INVS: variants seen among roughly 807,000 people sequenced by gnomAD.
The protein encoded by INVS is inversin, also known as inversion of embryo turning homolog.
INVS carries 86 observed loss-of-function variants against 108.8 expected under a neutral mutation model. That is an observed-to-expected ratio of 0.79 (90% CI 0.66 to 0.95). The LOEUF is 0.95. INVS is among the 40% of genes least tolerant of loss of function. The pLI, the probability that INVS is intolerant of heterozygous loss-of-function variation, is 0.00. For synonymous variants in INVS, 455 were observed against 473.5 expected, an observed-to-expected ratio of 0.96 and a Z score of 0.51; for missense variants, 1,169 against 1,297.4, an observed-to-expected ratio of 0.90 and a Z score of 1.52.
intron 3 of INVS, among the ~76,000 whole-genome samples, chr9:100,132,704 T>G (rs1340226648): frequency 6.6e-6 from 1 of 152,236 alleles, no homozygotes; most frequent in Non-Finnish European, 1.5e-5. Flanking sequence ...GAAACTGAAC[T>G]CTACTCCTTT....
intron 2 of INVS, among the ~76,000 whole-genome samples, chr9:100,111,810 T>C (rs766987057): frequency 6.6e-6 from 1 of 152,136 alleles, no homozygotes; most frequent in Admixed American, 6.5e-5. Context: ...GTAGGGTGGA[T>C]AGATAAAGGC....
intron 3 of INVS, among the ~76,000 whole-genome samples, chr9:100,182,788 C>G (rs1244013716): frequency 6.6e-6 from 1 of 151,930 alleles, no homozygotes; most frequent in East Asian, 1.9e-4. Flanking sequence ...GATATATGCC[C>G]AAAGGATTAT....
At chr9:100,265,805 G>A (rs370829595) in intron 11 of INVS, among the ~76,000 whole-genome samples, 5 of 152,296 alleles carry the variant, frequency 3.3e-5, no homozygotes, top group Middle Eastern at 3.4e-3. Context: ...GGCCAGGTGC[G>A]GTGGCTCACG....
chr9:100,154,516 A>G (rs1828910820), intron 3 of INVS, among the ~76,000 whole-genome samples: 1 of 151,716 alleles, frequency 6.6e-6, no homozygotes, highest in Admixed American at 6.6e-5. Flanking sequence ...TAAAAAGAGT[A>G]TATTCACACA....
intron 11 of INVS, among the ~76,000 whole-genome samples, chr9:100,268,231 A>G (rs1428671892): frequency 6.6e-6 from 1 of 152,060 alleles, no homozygotes; most frequent in African/African-American, 2.4e-5. Flanking sequence ...ATACAGGATT[A>G]AAAAAAAGAT....
chr9:100,301,747 G>A lies in INVS; in HGVS notation c.*1073G>A, dbSNP rs1008338496. Among the ~76,000 whole-genome samples the A allele has an allele frequency of 2.0e-5, 3 of 148,220 alleles. No homozygotes were observed. The highest frequency in any genetic ancestry group is 1.3e-4 in the Admixed American group (2 of 14,898). On this transcript the variant is annotated 3_prime_UTR_variant, in exon 17 of 17. Transcript: ENST00000262457. ...AGATCAGTGCCACTTCTGTGCTAAC[G>A]GTAAGAGATAGACAGATAGGCAATG...
chr9:100,191,779 T>C (rs557862702), intron 3 of INVS, among the ~76,000 whole-genome samples: 1 of 152,330 alleles, frequency 6.6e-6, no homozygotes, highest in South Asian at 2.1e-4. Flanking sequence ...TCAGAATTAT[T>C]TTTCTGGTTC....
intron 3 of INVS, among the ~76,000 whole-genome samples, chr9:100,211,660 T>G (rs1830835766): frequency 6.6e-6 from 1 of 152,058 alleles, no homozygotes; most frequent in Admixed American, 6.6e-5. Flanking sequence ...ATTAGAAGAG[T>G]TCAGCCTTAG....
chr9:100,268,167 C>G (rs984388356), intron 11 of INVS, among the ~76,000 whole-genome samples: 1 of 151,836 alleles, frequency 6.6e-6, no homozygotes, highest in Non-Finnish European at 1.5e-5. Context: ...CAGAGTAGGG[C>G]GTTCCCGAAA....
At chr9:100,118,614 T>G (rs1249979626) in intron 2 of INVS, among the ~76,000 whole-genome samples, 1 of 152,146 alleles carries the variant, frequency 6.6e-6, no homozygotes, top group Non-Finnish European at 1.5e-5. Context: ...TTTATTTTTG[T>G]TTTTGTATAT....
chr9:100,242,511 A>T, intron 6 of INVS, 59 bp from the exon 7 acceptor site: 1 of 941,982 alleles, frequency 1.1e-6, no homozygotes, highest in Non-Finnish European at 1.7e-6. Context: ...ATTTAAATAG[A>T]TTATAAATTA....
intron 13 of INVS, among the ~76,000 whole-genome samples, chr9:100,289,189 G>T (rs960149502): frequency 6.6e-6 from 1 of 152,102 alleles, no homozygotes; most frequent in African/African-American, 2.4e-5. Context: ...GCTCCATTAG[G>T]TATATTTTCT....
intron 10 of INVS, among the ~76,000 whole-genome samples, chr9:100,259,902 C>T (rs757867284): frequency 6.6e-6 from 1 of 151,482 alleles, no homozygotes; most frequent in Non-Finnish European, 1.5e-5. Flanking sequence ...GATGGAGTCT[C>T]GCTTCGTCAC....
chr9:100,298,405 T>A, intron 16 of INVS: 1 of 826,552 alleles, frequency 1.2e-6, no homozygotes. Context: ...AAGAGAACAC[T>A]GAGAGCATGT....
chr9:100,296,592 T>C (rs1041990824), intron 14 of INVS, among the ~76,000 whole-genome samples: 3 of 152,188 alleles, frequency 2.0e-5, no homozygotes. Flanking sequence ...CATCAGTCAG[T>C]CCTGCATCTG....
In INVS at chr9:100,129,239, T is replaced by C. The variant is rs139673355; in HGVS notation, c.273+2690T>C. 4.7e-3 allele frequency among the ~76,000 whole-genome samples: 717 copies of C among 152,064 alleles called. 6 individuals are homozygous for C. Among genetic ancestry groups the C allele is most frequent in the African/African-American group, 0.016 (678 of 41,484 alleles). ...GCTCACACCTGTAATCTTAGGACTT[T>C]GGGAGGCCAAGGTGGGTGGATCACT... On this transcript the variant is annotated intron_variant, in intron 3 of 16. Coordinates refer to ENST00000262457, the MANE Select transcript of INVS (RefSeq NM_014425.5).
chr9:100,217,821 GATTGCCTCTCCCAACACT>G (rs955923838), intron 3 of INVS, among the ~76,000 whole-genome samples: 8 of 152,172 alleles, frequency 5.3e-5, no homozygotes, highest in African/African-American at 1.9e-4. Flanking sequence ...GCCCAGGGCA[GATTGCCTCTCCCAACACT>G]ATTGTGGTAT....
At chr9:100,289,147 T>G (rs980227354) in intron 13 of INVS, among the ~76,000 whole-genome samples, 3 of 152,222 alleles carry the variant, frequency 2.0e-5, no homozygotes, top group Admixed American at 2.0e-4. Flanking sequence ...TGTTCTACAT[T>G]CCACCTGGAA....
intron 3 of INVS, among the ~76,000 whole-genome samples, chr9:100,204,687 G>C (rs1326994453): frequency 6.6e-6 from 1 of 151,840 alleles, no homozygotes; most frequent in Non-Finnish European, 1.5e-5. Flanking sequence ...CTCTGAACAG[G>C]TTTCTTTTGT....
Sources: allele counts gnomAD v4.1 joint callset (sites outside exome capture counted in the v4.1 genomes callset), GRCh38; gene constraint gnomAD v4.1.1; transcripts MANE v1.5; gene names NCBI Gene and HGNC (gene_info 2026-07-23, HGNC 2026-07-21).